Variants in WWOX observed in about 807,000 individuals in gnomAD.
The protein encoded by WWOX is WW domain-containing oxidoreductase.
WWOX carries 69 observed loss-of-function variants against 46.2 expected under a neutral mutation model. That is an observed-to-expected ratio of 1.49 (90% CI 1.23 to 1.82). The LOEUF (loss-of-function observed/expected upper bound fraction) is 1.82, where lower values mean the gene tolerates loss of function less well. Among genes scored for constraint, WWOX ranks in the 40% most tolerant of loss-of-function variants. The pLI is 0.00. For synonymous variants in WWOX, 359 were observed against 202.6 expected (o/e 1.77, Z -6.56); for missense variants, 919 against 542.6 (o/e 1.69, Z -6.89).
rs962926125 is a variant in WWOX at position 79,152,503 on chromosome 16, C to G, written c.1057-59105C>G. Among the ~76,000 whole-genome samples the G allele has an allele frequency of 4.6e-5, 7 of 152,042 alleles. No individual in the cohort carries two copies. The East Asian group carries it at 1.2e-3, about 25-fold the overall frequency. ...TGGCCAACATGGTGAAACCCTGTCTCTACTAAAAAATACAAAAATTAGCTG... is the reference window on the plus strand; with the variant it reads ...TGGCCAACATGGTGAAACCCTGTCTGTACTAAAAAATACAAAAATTAGCTG... On this transcript the variant is annotated intron_variant, in intron 8 of 8. Coordinates refer to ENST00000566780, the MANE Select transcript of WWOX (RefSeq NM_016373.4).
At position 78,342,082 on chromosome 16, in the gene WWOX, C is replaced by T. The variant is rs150119960; in HGVS notation, c.517-44778C>T. ...AGTGAGCTGCAATTGTGCCACTGCA[C>T]TCTAATTTAGGCAGCAGAATGAGAC... On this transcript the variant is annotated intron_variant, in intron 5 of 8. Coordinates refer to ENST00000566780, the MANE Select transcript of WWOX (RefSeq NM_016373.4). 6.3e-3 allele frequency among the ~76,000 whole-genome samples: 767 copies of T among 121,194 alleles called. 228 individuals are homozygous for T. The highest frequency in any genetic ancestry group is 0.012 in the Middle Eastern group (3 of 246). 79.5% of individuals were successfully genotyped at this position (121,194 alleles called of 152,430 possible). A position where few individuals can be genotyped will look rare whatever the true frequency, so the allele number is the denominator to read the frequency against.
At chr16:78,534,109 T>G (rs542210508) in intron 8 of WWOX, among the ~76,000 whole-genome samples, 1 of 152,230 alleles carries the variant, frequency 6.6e-6, no homozygotes, top group Non-Finnish European at 1.5e-5. Flanking sequence ...CCCTGAGTTA[T>G]AGAAAAATTT....
At chr16:78,728,504 C>G (rs2048889447) in intron 8 of WWOX, among the ~76,000 whole-genome samples, 1 of 152,196 alleles carries the variant, frequency 6.6e-6, no homozygotes, top group South Asian at 2.1e-4. Context: ...TGCATTCAGT[C>G]TCTTGTGATA....
chr16:78,564,873 C>G (rs1205350145), intron 8 of WWOX, among the ~76,000 whole-genome samples: 1 of 151,876 alleles, frequency 6.6e-6, no homozygotes, highest in Admixed American at 6.6e-5. Flanking sequence ...GCTCCCTTTT[C>G]TCCCCACTCT....
intron 8 of WWOX, among the ~76,000 whole-genome samples, chr16:78,632,894 C>T (rs554888050): frequency 6.4e-4 from 97 of 152,116 alleles, no homozygotes; most frequent in African/African-American, 2.3e-3. Context: ...CCTCTCCACC[C>T]CTGCTACGTG....
chr16:78,979,097 T>TC (rs1434338819), intron 8 of WWOX, among the ~76,000 whole-genome samples: 2 of 151,458 alleles, frequency 1.3e-5, no homozygotes, highest in East Asian at 3.9e-4. Context: ...TTTTTTTTTT[T>TC]TTCCCTATAC....
chr16:78,789,242 C>T (rs1368222995), intron 8 of WWOX, among the ~76,000 whole-genome samples: 1 of 152,064 alleles, frequency 6.6e-6, no homozygotes, highest in Non-Finnish European at 1.5e-5. Flanking sequence ...TTCCCTGAAA[C>T]CACCCCTCTA....
intron 8 of WWOX, among the ~76,000 whole-genome samples, chr16:79,169,664 G>A (rs532251572): frequency 6.6e-6 from 1 of 152,222 alleles, no homozygotes; most frequent in East Asian, 1.9e-4. Context: ...AACTAGGAAG[G>A]TAGGTTGTCC....
intron 7 of WWOX, among the ~76,000 whole-genome samples, chr16:78,429,119 A>T (rs1387732385): frequency 6.6e-6 from 1 of 152,214 alleles, no homozygotes; most frequent in Non-Finnish European, 1.5e-5. Flanking sequence ...GTAGTAAGCA[A>T]CACTCAAGAA....
At chr16:78,493,357 T>C (rs2084832637) in intron 8 of WWOX, among the ~76,000 whole-genome samples, 1 of 152,200 alleles carries the variant, frequency 6.6e-6, no homozygotes, top group Non-Finnish European at 1.5e-5. Context: ...CACTGCAAGA[T>C]CGACAGGCTT....
chr16:78,736,887 G>T (rs987495533), intron 8 of WWOX, among the ~76,000 whole-genome samples: 3 of 152,078 alleles, frequency 2.0e-5, no homozygotes, highest in Non-Finnish European at 4.4e-5. Context: ...GGGATTATAG[G>T]CATGAGGCAA....
rs1225862951 is a variant in WWOX, at chr16:78,350,036, C to G, written c.517-36824C>G. Among the ~76,000 whole-genome samples the G allele has an allele frequency of 5.8e-5, 7 of 120,976 alleles. 2 individuals carry two copies. The highest frequency in any genetic ancestry group is 2.0e-4 in the African/African-American group (7 of 35,770). The allele number at this position is 120,976 out of a possible 152,430, so 79.4% of individuals were successfully genotyped here. The stretch of plus-strand genomic sequence containing the variant: ...GTACTGTGTATTATTCTCTAGTAGC[C>G]TGCTTTTTATTGAACTTAATGATAA... On this transcript the variant is annotated intron_variant, in intron 5 of 8. Coordinates refer to ENST00000566780, the MANE Select transcript of WWOX (RefSeq NM_016373.4).
At chr16:78,638,032 T>G (rs2046616062) in intron 8 of WWOX, among the ~76,000 whole-genome samples, 1 of 152,196 alleles carries the variant, frequency 6.6e-6, no homozygotes, top group Non-Finnish European at 1.5e-5. Context: ...CTGGGAAGCT[T>G]GCTCACATCA....
intron 8 of WWOX, among the ~76,000 whole-genome samples, chr16:79,178,350 T>C (rs2150781431): frequency 6.6e-6 from 1 of 152,308 alleles, no homozygotes; most frequent in East Asian, 1.9e-4. Flanking sequence ...AGGGTCTCAC[T>C]GTGTCACCCA....
chr16:79,002,020 C>T (rs2047102795), intron 8 of WWOX, among the ~76,000 whole-genome samples: 1 of 151,784 alleles, frequency 6.6e-6, no homozygotes, highest in Non-Finnish European at 1.5e-5. Context: ...CTGGGGTAAC[C>T]ACAAATCTGG....
chr16:78,139,192 A>T (rs190103901), intron 4 of WWOX, among the ~76,000 whole-genome samples: 2 of 152,336 alleles, frequency 1.3e-5, no homozygotes, highest in East Asian at 3.9e-4. Context: ...TAGTTCTCTC[A>T]GTAGCTATCT....
At chr16:79,140,487 G>A (rs867191568) in intron 8 of WWOX, among the ~76,000 whole-genome samples, 5 of 152,202 alleles carry the variant, frequency 3.3e-5, no homozygotes, top group Admixed American at 1.3e-4. Context: ...TCCTTTTGGA[G>A]TTCAGTAGAT....
At chr16:79,105,761 C>G (rs2049296276) in intron 8 of WWOX, among the ~76,000 whole-genome samples, 2 of 151,768 alleles carry the variant, frequency 1.3e-5, no homozygotes, top group African/African-American at 2.4e-5. Flanking sequence ...CTCCTGGATG[C>G]CAGCAATCCT....
intron 8 of WWOX, among the ~76,000 whole-genome samples, chr16:78,834,986 A>T (rs1416041579): frequency 6.6e-6 from 1 of 152,196 alleles, no homozygotes; most frequent in Non-Finnish European, 1.5e-5. Context: ...AGTGTTCTAC[A>T]AACTGTATTT....
Sources: gnomAD v4.1 joint callset for allele counts (sites outside exome capture counted in the v4.1 genomes callset) on GRCh38, gnomAD v4.1.1 for gene constraint, MANE v1.5 for transcripts, NCBI Gene and HGNC (gene_info 2026-07-23, HGNC 2026-07-21) for gene names.